The following PLXNB2 variants were observed in gnomAD, a reference collection of about 807,000 sequenced individuals.
PLXNB2 encodes plexin-B2.
Under a neutral mutation model 202.6 loss-of-function variants are expected in PLXNB2, and 85 were observed. The ratio of observed to expected loss-of-function variants is 0.42; its 90% CI spans 0.35 to 0.50. The LOEUF (loss-of-function observed/expected upper bound fraction) is 0.50. Ranked by LOEUF, PLXNB2 falls within the 20% of genes least tolerant of loss-of-function variation. PLXNB2 has a pLI of 0.02. For synonymous variants in PLXNB2, 1,239 were observed against 1,137.6 expected, an observed-to-expected ratio of 1.09 and a Z score of -1.79; for missense variants, 2,063 against 2,586.2, an observed-to-expected ratio of 0.80 and a Z score of 4.39.
At chr22:50,302,571 G>A (rs539447639) in intron 1 of PLXNB2, among the ~76,000 whole-genome samples, 4 of 152,198 alleles carry the variant, frequency 2.6e-5, no homozygotes, top group East Asian at 3.9e-4. Flanking sequence ...TGCCTGGGGC[G>A]CCCCACCTTC....
Position 50,290,483 on chromosome 22 carries a change from C to T in PLXNB2, c.102G>A (p.Leu34=). 3 of 1,612,884 alleles carry T rather than the reference C, an allele frequency of 1.9e-6. No individual in the cohort carries two copies. Among genetic ancestry groups the T allele is most frequent in the Non-Finnish European group, 2.5e-6 (3 of 1,179,992 alleles). The stretch of plus-strand genomic sequence containing the variant: ...AGGCCTCATCCACAGCCAGGTGGTT[C>T]AGCTCTTTCTCGCTGCGGAAGAAGT... ...KLDFFRSEKE[L]NHLAVDEASG... Residue 34 remains leucine (L), a synonymous_variant, in exon 3 of 37, where the codon CTG becomes CTA. Transcript: ENST00000359337.
At position 50,287,857 on chromosome 22, in the gene PLXNB2, C is replaced by T. The variant is rs113531897; in HGVS notation, c.1482-64G>A. On this transcript the variant is annotated intron_variant, in intron 6 of 36. Coordinates refer to ENST00000359337, the MANE Select transcript of PLXNB2 (RefSeq NM_012401.4). ...CTTGTTCTCCCGGGACAGGACAGTGCGATGTGCCCCCCGACCCAGGCCACG... is the reference window on the plus strand; with the variant it reads ...CTTGTTCTCCCGGGACAGGACAGTGTGATGTGCCCCCCGACCCAGGCCACG... The T allele has an allele frequency of 2.2e-3, 3,561 of 1,594,148 alleles. 78 individuals carry two copies. The African/African-American group carries it at 0.043, about 19-fold the overall frequency.
At chr22:50,285,708 C>G (rs866371745) in intron 11 of PLXNB2, 92 bp downstream of exon 11, 1 of 807,750 alleles carries the variant, frequency 1.2e-6, no homozygotes, top group Middle Eastern at 3.3e-4. Flanking sequence ...CGGCACCCCT[C>G]CCTCCGTACC....
Position 50,287,121 on chromosome 22 carries a change from C to T in PLXNB2, c.1752G>A (p.Pro584=), listed in dbSNP as rs372970368. ...GGGAAGGGGCCTCACCCTGGCCTGG[C>T]GGTGTGACGGGGATGCTGCTTGGGG... ...CNSPSSIPVT[P]PGQDHVAVTI... The change falls in exon 8 of 37, where the codon CCG becomes CCA. Residue 584 remains proline, a synonymous_variant. Transcript: ENST00000359337. 1.0e-4 allele frequency: 153 copies of T among 1,522,024 alleles called. No homozygotes were observed. The highest frequency in any genetic ancestry group is 7.5e-4 in the South Asian group (60 of 80,482). The allele number at this position is 1,522,024 out of a possible 1,614,324, so 94.3% of individuals were successfully genotyped here. A position where few individuals can be genotyped will look rare whatever the true frequency, so the allele number is the denominator to read the frequency against.
chr22:50,285,222 C>T (rs1361619926), intron 11 of PLXNB2, among the ~76,000 whole-genome samples: 32 of 129,462 alleles, frequency 2.5e-4, no homozygotes, highest in East Asian at 4.7e-4. Context: ...CCTCCCTCCG[C>T]ACCTGAGCCT....
Position 50,282,294 on chromosome 22 carries a change from C to A in PLXNB2, c.3007G>T (p.Val1003Phe). ...SFASGGRSIN[V>F]TGQGFSLIQR... is the part of the protein sequence containing the mutation. Reference sequence around the variant, plus strand: ...ATCAGGCTGAAGCCCTGACCCGTGACGTTGATGCTGCGGCCACCACTGCGG... The same window carrying A: ...ATCAGGCTGAAGCCCTGACCCGTGAAGTTGATGCTGCGGCCACCACTGCGG... The change falls in exon 19 of 37, where the codon GTC becomes TTC. Residue 1003 changes from valine to phenylalanine, a missense_variant. Transcript: ENST00000359337. 1 of 1,610,802 alleles carries A rather than the reference C, an allele frequency of 6.2e-7. No individual in the cohort carries two copies. Among genetic ancestry groups the A allele is most frequent in the African/African-American group, 1.3e-5 (1 of 75,014 alleles).
At chr22:50,282,940 G>A (rs557170766) in intron 17 of PLXNB2, 59 bp from the exon 18 acceptor site, 191 of 1,559,878 alleles carry the variant, frequency 1.2e-4, no homozygotes, top group South Asian at 3.7e-4. Context: ...GCCCCAGCCC[G>A]ACCAGGCTGG....
Position 50,279,881 on chromosome 22 carries a change from G to C in PLXNB2, c.4243-105C>G. ...ATGGACGGGGCTGACCATGTCAGGG[G>C]CAGGAAGCAAACCTGTCCAGGCAGG... is the stretch of plus-strand genomic sequence containing the variant. On this transcript the variant is annotated intron_variant, in intron 26 of 36. Transcript: ENST00000359337. 3 of 1,466,160 alleles carry C rather than the reference G, an allele frequency of 2.0e-6. No homozygotes were observed. The Admixed American group carries it at 5.5e-5, about 27-fold the overall frequency. The allele number at this position is 1,466,160 out of a possible 1,614,324, so 90.8% of individuals were successfully genotyped here. A position where few individuals can be genotyped will look rare whatever the true frequency, so the allele number is the denominator to read the frequency against.
rs11547728 is a variant in PLXNB2, at chr22:50,282,193, C to T, written c.3108G>A (p.Gln1036=). The change falls in exon 19 of 37, where the codon CAG becomes CAA. Residue 1036 remains glutamine (Q), a synonymous_variant. Transcript: ENST00000359337. ...WQPPREAESL[Q]PMTVVGTDYV... Reference sequence around the variant, plus strand: ...CCACGCCAGGACTGACCGTCATGGGCTGCAGGGATTCAGCCTCCCGCGGCG... The same window carrying T: ...CCACGCCAGGACTGACCGTCATGGGTTGCAGGGATTCAGCCTCCCGCGGCG... 0.46 allele frequency: 748,121 copies of T among 1,609,318 alleles called. 177,265 individuals carry two copies. Among genetic ancestry groups the T allele is most frequent in the South Asian group, 0.54 (48,960 of 90,732 alleles).
At chr22:50,294,396 C>T (rs890040575) in intron 2 of PLXNB2, among the ~76,000 whole-genome samples, 12 of 151,008 alleles carry the variant, frequency 7.9e-5, no homozygotes, top group African/African-American at 2.7e-4. Context: ...CCCCACCACA[C>T]CCCCAACGCT....
In PLXNB2 at chr22:50,284,373, T is replaced by C. The variant is rs1034922984; in HGVS notation, c.2182-160A>G. The C allele has an allele frequency of 4.0e-6, 3 of 753,234 alleles. No individual in the cohort carries two copies. The African/African-American group carries it at 5.2e-5, about 13-fold the overall frequency. 46.7% of individuals were successfully genotyped at this position (753,234 alleles called of 1,614,324 possible). ...GGAAGTTCGGGAACCCCATGGACGCTGCTCTGTGCCACTCTGTCCCCAGGG... is the reference window on the plus strand; with the variant it reads ...GGAAGTTCGGGAACCCCATGGACGCCGCTCTGTGCCACTCTGTCCCCAGGG... On this transcript the variant is annotated intron_variant, in intron 12 of 36. Coordinates refer to ENST00000359337, the MANE Select transcript of PLXNB2 (RefSeq NM_012401.4). The surrounding 1 kb of genome is among the most constrained non-coding windows in gnomAD (Gnocchi z 8.0).
At position 50,279,672 on chromosome 22, in the gene PLXNB2, G is replaced by A. The variant is rs201926966; in HGVS notation, c.4347C>T (p.Asn1449=). The A allele has an allele frequency of 1.1e-5, 17 of 1,613,974 alleles. No homozygotes were observed. The highest frequency in any genetic ancestry group is 3.3e-5 in the South Asian group (3 of 91,084). The change falls in exon 27 of 37, where the codon AAC becomes AAT. Residue 1449 remains asparagine, a synonymous_variant. Transcript: ENST00000359337. ...AVQKKAKYTL[N]DTGLLGDDVE... ...CATCATCCCCCAGCAGCCCCGTGTC[G>A]TTGAGAGTGTACTTGGCCTTCTTCT... is the stretch of plus-strand genomic sequence containing the variant.
At position 50,284,634 on chromosome 22, in the gene PLXNB2, A is replaced by C. The variant is rs746123380; in HGVS notation, c.2120T>G (p.Leu707Arg). The change falls in exon 12 of 37, where the codon CTC (leucine) becomes CGC (arginine). Residue 707 changes from leucine (L) to arginine (R), a missense_variant. Around this residue, in one of 2 missense-constraint regions of PLXNB2, gnomAD observed 1,303 missense variants for 1,476.8 expected, o/e 0.88. Transcript: ENST00000359337. This position sits in a 1 kb window ranked among gnomAD's most constrained non-coding sequence, Gnocchi z 8.0. The stretch of plus-strand genomic sequence containing the variant: ...CATGGTCACCGGCTCCATGAACTTG[A>C]GCAAGTCACTGCCCACGTGCAGGGA... Reference protein sequence around the residue: ...GSSLHVGSDLLKFMEPVTMQE... With the variant: ...GSSLHVGSDLRKFMEPVTMQE... The C allele has an allele frequency of 1.9e-6, 3 of 1,612,470 alleles. No homozygotes were observed. The highest frequency in any genetic ancestry group is 8.5e-7 in the Non-Finnish European group (1 of 1,179,640).
chr22:50,278,663 G>A lies in PLXNB2; in HGVS notation c.4580C>T (p.Ser1527Leu), dbSNP rs199650688. Reference sequence around the variant, plus strand: ...CCGCTGTGACGTCAGGTCCAGGTCCGACAGGATCTGCGCTGTGGAGCCCGG... The same window carrying A: ...CCGCTGTGACGTCAGGTCCAGGTCCAACAGGATCTGCGCTGTGGAGCCCGG... ...WRPGSTAQILSDLDLTSQREG... is the reference protein window; with the variant it reads ...WRPGSTAQILLDLDLTSQREG... Residue 1527 changes from serine (S) to leucine (L), a missense_variant, in exon 29 of 37, where the codon TCG (serine) becomes TTG (leucine). Ser to Leu is a moderately radical substitution (Grantham distance 145). Coordinates refer to ENST00000359337, the MANE Select transcript of PLXNB2 (RefSeq NM_012401.4). The A allele has an allele frequency of 1.8e-4, 295 of 1,612,322 alleles. No homozygotes were observed. The highest frequency in any genetic ancestry group is 2.4e-4 in the Non-Finnish European group (278 of 1,179,732).
At chr22:50,285,221 G>A (rs1304004341) in intron 11 of PLXNB2, among the ~76,000 whole-genome samples, 9 of 114,424 alleles carry the variant, frequency 7.9e-5, no homozygotes, top group Admixed American at 9.3e-5. Context: ...CCCTCCCTCC[G>A]CACCTGAGCC....
chr22:50,284,520 C>T lies in PLXNB2; in HGVS notation c.2181+53G>A, dbSNP rs996834767. On this transcript the variant is annotated intron_variant, in intron 12 of 36. Transcript: ENST00000359337. The surrounding 1 kb of genome is among the most constrained non-coding windows in gnomAD (Gnocchi z 8.0). ...ACAGTCCTGAAGGTGACCCCCCACC[C>T]CACCCGGGGCCCTGGGGTCCAGCAG... The T allele has an allele frequency of 9.3e-6, 13 of 1,396,870 alleles. No homozygotes were observed. In the East Asian group the frequency reaches 1.5e-4, roughly 16 times the overall value. 86.5% of individuals were successfully genotyped at this position (1,396,870 alleles called of 1,614,324 possible). A position where few individuals can be genotyped will look rare whatever the true frequency, so the allele number is the denominator to read the frequency against.
Position 50,288,105 on chromosome 22 carries a change from TC to T in PLXNB2, c.1381-69del. ...ACGGGCCTTCCGCAGACCCCAGATG[TC>T]CCCAGACCGCCAGCTTGACCCAGCT... On this transcript the variant is annotated intron_variant, in intron 5 of 36. Transcript: ENST00000359337. This position sits in a 1 kb window ranked among gnomAD's most constrained non-coding sequence, Gnocchi z 5.0. The T allele has an allele frequency of 8.1e-7, 1 of 1,227,186 alleles. No individual in the cohort carries two copies. Among genetic ancestry groups the T allele is most frequent in the South Asian group, 1.3e-5 (1 of 76,320 alleles). 76.0% of individuals were successfully genotyped at this position (1,227,186 alleles called of 1,614,324 possible). A position where few individuals can be genotyped will look rare whatever the true frequency, so the allele number is the denominator to read the frequency against.
intron 2 of PLXNB2, 47 bp from the exon 3 acceptor site, chr22:50,290,644 CCGAT>C (rs2066802370): frequency 6.8e-7 from 1 of 1,479,178 alleles, no homozygotes; most frequent in Non-Finnish European, 9.0e-7. Flanking sequence ...CAGAGGACCC[CCGAT>C]CAAATCCCTC....
At chr22:50,282,678 G>A (rs747862396) in intron 18 of PLXNB2, 33 bp downstream of exon 18, 2 of 1,499,352 alleles carry the variant, frequency 1.3e-6, no homozygotes, top group Non-Finnish European at 1.8e-6. Context: ...TGGGTGTGGG[G>A]AGCAGAGGGG....
Sources: gnomAD v4.1 joint callset for allele counts (sites outside exome capture counted in the v4.1 genomes callset) on GRCh38, gnomAD v4.1.1 for gene constraint, gnomAD v4.1.1 regional missense constraint, Gnocchi (gnomAD v3.1) non-coding constraint, MANE v1.5 for transcripts, NCBI Gene and HGNC (gene_info 2026-07-23, HGNC 2026-07-21) for gene names.